The following DNAJB6 variants were observed in gnomAD, a reference collection of about 807,000 sequenced individuals.
The protein encoded by DNAJB6 is DnaJ heat shock protein family (Hsp40) member B6.
Under a neutral mutation model 42.7 loss-of-function variants are expected in DNAJB6, and 16 were observed. The ratio of observed to expected loss-of-function variants is 0.37; its 90% CI spans 0.25 to 0.57. DNAJB6 has a LOEUF of 0.57. Among genes scored for constraint, DNAJB6 ranks in the 20% least tolerant of loss-of-function variants. The pLI is 0.74. For missense variants in DNAJB6, 347 were observed against 416.8 expected (o/e 0.83, Z 1.46); for synonymous variants, 170 against 163.5 (o/e 1.04, Z -0.30).
At chr7:157,337,793 T>TAAGGAAGGTAATGTA (rs760413300) in intron 1 of DNAJB6, 10 of 152,270 alleles carry the variant, frequency 6.6e-5, no homozygotes, top group Non-Finnish European at 1.2e-4. Context: ...AAGTTTACAT[T>TAAGGAAGGTAATGTA]AACTCTTACC....
chr7:157,388,744 G>GT (rs1801203794), intron 8 of DNAJB6, among the ~76,000 whole-genome samples: 1 of 152,082 alleles, frequency 6.6e-6, no homozygotes, highest in African/African-American at 2.4e-5. Context: ...CCAAAGTGTA[G>GT]TTTTTTAATC....
intron 8 of DNAJB6, among the ~76,000 whole-genome samples, chr7:157,409,509 C>T (rs1795893449): frequency 6.6e-6 from 1 of 152,252 alleles, no homozygotes; most frequent in Non-Finnish European, 1.5e-5. Flanking sequence ...CACTCACTCT[C>T]GGAAGAGGCG....
intron 1 of DNAJB6, among the ~76,000 whole-genome samples, chr7:157,340,998 G>GTGTGTGTGTGTGCGCGCGCGCT (rs67210462): frequency 7.4e-6 from 1 of 135,046 alleles, no homozygotes; most frequent in African/African-American, 3.2e-5. Flanking sequence ...GTGTGTGTGT[G>GTGTGTGTGTGTGCGCGCGCGCT]CGCGCGCGCA....
chr7:157,351,983 C>T (rs1213483834), intron 1 of DNAJB6, among the ~76,000 whole-genome samples: 2 of 151,844 alleles, frequency 1.3e-5, no homozygotes, highest in African/African-American at 2.4e-5. Flanking sequence ...CGTCAGAGAG[C>T]GAGACACTAT....
intron 7 of DNAJB6, 41 bp downstream of exon 7, chr7:157,385,049 C>A: frequency 1.3e-6 from 2 of 1,592,086 alleles, no homozygotes; most frequent in Non-Finnish European, 8.6e-7. Flanking sequence ...AGTAAGCAGG[C>A]GTAACGTTTC....
intron 8 of DNAJB6, among the ~76,000 whole-genome samples, chr7:157,407,843 G>A (rs564501873): frequency 8.5e-5 from 13 of 152,332 alleles, no homozygotes; most frequent in African/African-American, 2.6e-4. Flanking sequence ...TTGCTGAGAA[G>A]CCACGTCCTG....
At chr7:157,414,582 TGGAAC>T (rs2116690993) in intron 9 of DNAJB6, 1 of 144,922 alleles carries the variant, frequency 6.9e-6, no homozygotes, top group Admixed American at 7.2e-5. Context: ...ATATGCAGCA[TGGAAC>T]GCTTGGCGGT....
chr7:157,390,145 A>G (rs1053905653), intron 8 of DNAJB6, among the ~76,000 whole-genome samples: 1 of 152,240 alleles, frequency 6.6e-6, no homozygotes, highest in African/African-American at 2.4e-5. Context: ...GCTGTCCCAC[A>G]GCCCTTGATT....
chr7:157,387,442 T>C (rs1801125379), intron 8 of DNAJB6, among the ~76,000 whole-genome samples: 1 of 152,192 alleles, frequency 6.6e-6, no homozygotes, highest in Admixed American at 6.5e-5. Context: ...CGCTTTTGTT[T>C]ATGCCATCAG....
chr7:157,369,402 G>A (rs1404088919), intron 5 of DNAJB6: 2 of 456,554 alleles, frequency 4.4e-6, no homozygotes, highest in Non-Finnish European at 8.8e-6. Flanking sequence ...TCTGATCGGT[G>A]ATTCTCATGG....
intron 1 of DNAJB6, among the ~76,000 whole-genome samples, chr7:157,346,924 C>T (rs891943130): frequency 2.7e-5 from 4 of 150,840 alleles, no homozygotes; most frequent in East Asian, 1.9e-4. Flanking sequence ...GGTGCGATCT[C>T]GGCGCACTGC....
intron 1 of DNAJB6, chr7:157,337,637 C>T (rs1479024844): frequency 6.6e-6 from 1 of 152,238 alleles, no homozygotes; most frequent in Non-Finnish European, 1.5e-5. Context: ...AGGTGGGGGA[C>T]CGCAAAGCCC....
chr7:157,350,937 C>CT (rs200395534), intron 1 of DNAJB6, among the ~76,000 whole-genome samples: 1,832 of 127,758 alleles, frequency 0.014, 18 homozygotes, highest in Middle Eastern at 0.039. Flanking sequence ...TTTGTCCAGT[C>CT]TTTTTTTTTT....
chr7:157,415,164 T>C (rs1796079861), intron 9 of DNAJB6: 3 of 152,328 alleles, frequency 2.0e-5, no homozygotes, highest in African/African-American at 4.8e-5. Flanking sequence ...TGCCCAGTCA[T>C]GTTGACAATT....
chr7:157,379,132 C>T (rs774326286), intron 5 of DNAJB6: 1 of 152,006 alleles, frequency 6.6e-6, no homozygotes, highest in Admixed American at 6.6e-5. Flanking sequence ...TAACATAGTA[C>T]TCAGCCAGCT....
chr7:157,349,540 T>G (rs903899733), intron 1 of DNAJB6, among the ~76,000 whole-genome samples: 3 of 151,922 alleles, frequency 2.0e-5, no homozygotes, highest in Non-Finnish European at 2.9e-5. Flanking sequence ...TGGCGTGCAG[T>G]GGTAAAATCA....
At chr7:157,399,320 G>C (rs1421909474) in intron 8 of DNAJB6, among the ~76,000 whole-genome samples, 1 of 152,190 alleles carries the variant, frequency 6.6e-6, no homozygotes, top group African/African-American at 2.4e-5. Flanking sequence ...CTGATGAGTA[G>C]GTGCCAGGAA....
At chr7:157,344,811 C>G (rs995210863) in intron 1 of DNAJB6, among the ~76,000 whole-genome samples, 5 of 151,976 alleles carry the variant, frequency 3.3e-5, no homozygotes, top group Non-Finnish European at 4.4e-5. Context: ...CAAGATTTTG[C>G]TGTGTTACTC....
chr7:157,374,177 A>G (rs374043045), intron 5 of DNAJB6, among the ~76,000 whole-genome samples: 21 of 152,196 alleles, frequency 1.4e-4, no homozygotes, highest in African/African-American at 4.8e-4. Context: ...ATCTGGTGAG[A>G]GTTTCTTGGA....
Sources: gnomAD v4.1 joint callset for allele counts (sites outside exome capture counted in the v4.1 genomes callset) on GRCh38, gnomAD v4.1.1 for gene constraint, MANE v1.5 for transcripts, NCBI Gene and HGNC (gene_info 2026-07-23, HGNC 2026-07-21) for gene names.